Variants in PTPRS observed in about 807,000 individuals in gnomAD.
PTPRS encodes the protein receptor-type tyrosine-protein phosphatase S.
PTPRS carries 63 observed loss-of-function variants against 215.3 expected under a neutral mutation model. The ratio of observed to expected loss-of-function variants is 0.29; its 90% CI spans 0.24 to 0.36. PTPRS has a LOEUF of 0.36. PTPRS is among the 10% of genes least tolerant of loss of function. The pLI is 1.00. For missense variants in PTPRS, 2,258 were observed against 2,825.8 expected (o/e 0.80, Z 4.56); for synonymous variants, 1,404 against 1,191.4 (o/e 1.18, Z -3.68).
chr19:5,270,850 G>T (rs1481565894), intron 4 of PTPRS, among the ~76,000 whole-genome samples: 1 of 152,178 alleles, frequency 6.6e-6, no homozygotes, highest in Non-Finnish European at 1.5e-5. Flanking sequence ...TCACCATGTT[G>T]GCCAGGCTGG....
chr19:5,211,662 C>A lies in PTPRS; in HGVS notation c.5162G>T (p.Arg1721Leu). Residue 1721 changes from arginine to leucine, a missense_variant, in exon 33 of 38, where the codon CGG becomes CTG. Arg to Leu is a moderately radical substitution (Grantham distance 102). Coordinates refer to ENST00000262963, the MANE Select transcript of PTPRS (RefSeq NM_002850.4). Reference sequence around the variant, plus strand: ...ACCCCGGATGGGTTGCAGACAGACCCGTGTGCTCTCATAGGGCATGATGTT... The same window carrying A: ...ACCCCGGATGGGTTGCAGACAGACCAGTGTGCTCTCATAGGGCATGATGTT... ...LVNIMPYEST[R>L]VCLQPIRGVE... 6.2e-7 allele frequency: 1 copy of A among 1,614,082 alleles called. No individual in the cohort carries two copies. Among genetic ancestry groups the A allele is most frequent in the South Asian group, 1.1e-5 (1 of 91,082 alleles).
At chr19:5,272,282 A>T (rs1029008341) in intron 4 of PTPRS, among the ~76,000 whole-genome samples, 1 of 152,112 alleles carries the variant, frequency 6.6e-6, no homozygotes, top group Non-Finnish European at 1.5e-5. Flanking sequence ...AGCCCCCTAT[A>T]AACCCCTTGC....
rs1446356979 is a variant in PTPRS, at chr19:5,293,019, C to G, written c.-94-6785G>C. ...GGAGGGCGGCCGGCACGGTCAGGCCCGCGCTGGGCTGTGGGGACCCCCGTG... is the reference window on the plus strand; with the variant it reads ...GGAGGGCGGCCGGCACGGTCAGGCCGGCGCTGGGCTGTGGGGACCCCCGTG... On this transcript the variant is annotated intron_variant, in intron 1 of 37. Coordinates refer to ENST00000262963, the MANE Select transcript of PTPRS (RefSeq NM_002850.4). The surrounding 1 kb of genome is among the most constrained non-coding windows in gnomAD (Gnocchi z 8.4). The G allele has an allele frequency of 6.6e-6, 1 of 152,174 alleles. No individual in the cohort carries two copies. The highest frequency in any genetic ancestry group is 1.5e-5 in the Non-Finnish European group (1 of 68,062). The allele number at this position is 152,174 out of a possible 1,614,324, so 9.4% of individuals were successfully genotyped here.
chr19:5,245,851 C>T lies in PTPRS; in HGVS notation c.913G>A (p.Asp305Asn), dbSNP rs796731007. 1 of 1,613,960 alleles carries T rather than the reference C, an allele frequency of 6.2e-7. No homozygotes were observed. The highest frequency in any genetic ancestry group is 1.7e-5 in the Admixed American group (1 of 60,004). ...GCCACGCAGGTGTAGTTGGCCGAGT[C>T]CTTGACATCTGTGAGTTCCAGCACG... is the stretch of plus-strand genomic sequence containing the variant. The part of the protein sequence containing the change: ...RNVLELTDVK[D>N]SANYTCVAMS... The change falls in exon 10 of 38, where the codon GAC becomes AAC. Residue 305 changes from aspartate (D) to asparagine (N), a missense_variant. Physicochemically the swap from Asp to Asn is conservative, Grantham distance 23. Transcript: ENST00000262963.
rs923563647 is a variant in PTPRS, at chr19:5,338,358, C to G, written c.-95+2306G>C. Among the ~76,000 whole-genome samples the G allele has an allele frequency of 2.6e-5, 4 of 152,142 alleles. No individual in the cohort carries two copies. Among genetic ancestry groups the G allele is most frequent in the African/African-American group, 9.7e-5 (4 of 41,436 alleles). Reference sequence around the variant, plus strand: ...GGTGGCCCCCAGGGGGCTGGGAGGCCTAGCCCCCATGCAGAAGTGCACCGT... The same window carrying G: ...GGTGGCCCCCAGGGGGCTGGGAGGCGTAGCCCCCATGCAGAAGTGCACCGT... On this transcript the variant is annotated intron_variant, in intron 1 of 37. Transcript: ENST00000262963. This position sits in a 1 kb window ranked among gnomAD's most constrained non-coding sequence, Gnocchi z 4.2.
chr19:5,282,717 G>C (rs1454780720), intron 2 of PTPRS, among the ~76,000 whole-genome samples: 1 of 151,604 alleles, frequency 6.6e-6, no homozygotes, highest in East Asian at 1.9e-4. Context: ...CAGGAGAACT[G>C]CTTGAACCTG....
At chr19:5,322,898 A>AAAAAAAAAAAAG (rs775619490) in intron 1 of PTPRS, among the ~76,000 whole-genome samples, 6 of 120,288 alleles carry the variant, frequency 5.0e-5, no homozygotes, top group Non-Finnish European at 6.9e-5. Flanking sequence ...AAAAAAAAAA[A>AAAAAAAAAAAAG]AAGAAGAAGA....
rs1182094755 is a variant in PTPRS, at chr19:5,338,407, C to G, written c.-95+2257G>C. Among the ~76,000 whole-genome samples, 2 of 152,154 alleles carry G rather than the reference C, an allele frequency of 1.3e-5. No individual in the cohort carries two copies. Among genetic ancestry groups the G allele is most frequent in the African/African-American group, 4.8e-5 (2 of 41,440 alleles). On this transcript the variant is annotated intron_variant, in intron 1 of 37. Coordinates refer to ENST00000262963, the MANE Select transcript of PTPRS (RefSeq NM_002850.4). The surrounding 1 kb of genome is among the most constrained non-coding windows in gnomAD (Gnocchi z 4.2). ...GTCATGATGAGGGTGTCCCCCGGGC[C>G]TGGGGAACAGGGCAGGACCCTGCTT...
chr19:5,326,051 T>G (rs1472730595), intron 1 of PTPRS, among the ~76,000 whole-genome samples: 1 of 152,030 alleles, frequency 6.6e-6, no homozygotes, highest in African/African-American at 2.4e-5. Context: ...GCCAACATGG[T>G]GAAACGCTGT....
chr19:5,225,809 C>G lies in PTPRS; in HGVS notation c.2412G>C (p.Ala804=). The G allele has an allele frequency of 6.2e-7, 1 of 1,613,982 alleles. No homozygotes were observed. Among genetic ancestry groups the G allele is most frequent in the Non-Finnish European group, 8.5e-7 (1 of 1,179,978 alleles). ...TGTAGGCGGCTACCGTGATGGAGTACGCGGTCTCAGGCTGCAAGTTTGTGA... is the reference window on the plus strand; with the variant it reads ...TGTAGGCGGCTACCGTGATGGAGTAGGCGGTCTCAGGCTGCAAGTTTGTGA... ...MVITNLQPET[A]YSITVAAYTM... is the part of the protein sequence containing the mutation. Residue 804 remains alanine, a synonymous_variant, in exon 17 of 38, where the codon GCG becomes GCC. Coordinates refer to ENST00000262963, the MANE Select transcript of PTPRS (RefSeq NM_002850.4).
Position 5,338,628 on chromosome 19 carries a change from CA to C in PTPRS, c.-95+2035del, listed in dbSNP as rs2050583892. Among the ~76,000 whole-genome samples, 1 of 150,644 alleles carries C rather than the reference CA, an allele frequency of 6.6e-6. No homozygotes were observed. Among genetic ancestry groups the C allele is most frequent in the East Asian group, 2.0e-4 (1 of 5,100 alleles). On this transcript the variant is annotated intron_variant, in intron 1 of 37. Coordinates refer to ENST00000262963, the MANE Select transcript of PTPRS (RefSeq NM_002850.4). This position sits in a 1 kb window ranked among gnomAD's most constrained non-coding sequence, Gnocchi z 4.2. ...GCCCCAGCTGCCTGCCTTCCACCGC[CA>C]AAATATCAGCTGGCAAAGAAAGAAG...
At chr19:5,213,571 G>C (rs2041130849) in intron 30 of PTPRS, among the ~76,000 whole-genome samples, 1 of 152,202 alleles carries the variant, frequency 6.6e-6, no homozygotes, top group Non-Finnish European at 1.5e-5. Context: ...AATCCCCCAA[G>C]GGCAGAACGT....
intron 17 of PTPRS, among the ~76,000 whole-genome samples, chr19:5,223,918 TA>T (rs561215621): frequency 1.7e-3 from 252 of 151,504 alleles, no homozygotes; most frequent in Non-Finnish European, 3.2e-3. Context: ...CTCACATCTG[TA>T]AGTAATCCCA....
intron 1 of PTPRS, among the ~76,000 whole-genome samples, chr19:5,307,382 G>A (rs940347947): frequency 3.3e-5 from 5 of 152,042 alleles, no homozygotes; most frequent in African/African-American, 1.2e-4. Flanking sequence ...AATAATGATC[G>A]AAGAGATTAG....
In PTPRS at chr19:5,274,292, A is replaced by AC. The variant is rs777078756; in HGVS notation, c.143dup (p.Val49CysfsTer11). ...TGGCCTGACACACGAAAGAGGCCACACCCCCCGACACGCCGATCTGGTCCT... is the reference window on the plus strand; with the variant it reads ...TGGCCTGACACACGAAAGAGGCCACACCCCCCCGACACGCCGATCTGGTCCT... On this transcript the variant is annotated frameshift_variant, in exon 3 of 38. Transcript: ENST00000262963. LOFTEE classifies it high-confidence loss of function. 1.2e-6 allele frequency: 2 copies of AC among 1,611,576 alleles called. No homozygotes were observed.
Position 5,210,845 on chromosome 19 carries a change from G to A in PTPRS, c.5235-40C>T, listed in dbSNP as rs766701237. On this transcript the variant is annotated intron_variant, in intron 33 of 37. Transcript: ENST00000262963. The surrounding 1 kb of genome is among the most constrained non-coding windows in gnomAD (Gnocchi z 4.5). Reference sequence around the variant, plus strand: ...GGTATGAGCCCAGGGCCGGCAGGGAGACCCGGCGTGGTACTCACCTGATGC... The same window carrying A: ...GGTATGAGCCCAGGGCCGGCAGGGAAACCCGGCGTGGTACTCACCTGATGC... 2 of 1,598,502 alleles carry A rather than the reference G, an allele frequency of 1.3e-6. No individual in the cohort carries two copies. The highest frequency in any genetic ancestry group is 4.5e-5 in the East Asian group (2 of 44,816).
At position 5,273,368 on chromosome 19, in the gene PTPRS, ATGTATTCCTTT is replaced by A. The variant is rs1419007295; in HGVS notation, c.379+63_379+73del. ...AGCAGGAGGGTTTGGGGTAACTTTC[ATGTATTCCTTT>A]TGTGCTTGTCCCCAAAGCCCAGGGC... On this transcript the variant is annotated intron_variant, in intron 4 of 37. Coordinates refer to ENST00000262963, the MANE Select transcript of PTPRS (RefSeq NM_002850.4). 2.5e-6 allele frequency: 4 copies of A among 1,605,668 alleles called. No homozygotes were observed. In the South Asian group the frequency reaches 4.4e-5, roughly 18 times the overall value.
chr19:5,297,733 A>G (rs1009538645), intron 1 of PTPRS, among the ~76,000 whole-genome samples: 3 of 152,084 alleles, frequency 2.0e-5, no homozygotes, highest in African/African-American at 7.2e-5. Flanking sequence ...AGGCAGGAGG[A>G]ACAGCAAATA....
Position 5,229,586 on chromosome 19 carries a change from G to T in PTPRS, c.2254C>A (p.Gln752Lys). The T allele has an allele frequency of 1.4e-6, 2 of 1,437,386 alleles. No homozygotes were observed. Among genetic ancestry groups the T allele is most frequent in the Non-Finnish European group, 1.8e-6 (2 of 1,095,638 alleles). 89.0% of individuals were successfully genotyped at this position (1,437,386 alleles called of 1,614,324 possible). Residue 752 changes from glutamine (Q) to lysine (K), a missense_variant, in exon 15 of 38, where the codon CAG (glutamine) becomes AAG (lysine). Around this residue, in one of 6 missense-constraint regions of PTPRS, gnomAD observed 371 missense variants for 446.7 expected, o/e 0.83. Transcript: ENST00000262963. ...RSPAPGRQHG[Q>K]IRGYQVHYVR... ...TAGTGGACCTGGTAGCCGCGGATCT[G>T]GCCGTGCTGCCGGCCGGGCGCGGGC...
Sources: allele counts gnomAD v4.1 joint callset (sites outside exome capture counted in the v4.1 genomes callset), GRCh38; gene constraint gnomAD v4.1.1; regional missense constraint gnomAD v4.1.1; non-coding constraint Gnocchi (gnomAD v3.1); transcripts MANE v1.5; gene names NCBI Gene and HGNC (gene_info 2026-07-23, HGNC 2026-07-21).